Variants in EXOC6B observed in about 807,000 individuals in gnomAD.
EXOC6B encodes exocyst complex component 6B.
In EXOC6B, 54 loss-of-function variants were observed where a neutral mutation model predicts 113.5. The observed-to-expected ratio is 0.48, with a 90% CI of 0.38 to 0.60. The LOEUF is 0.60. Among genes scored for constraint, EXOC6B ranks in the 20% least tolerant of loss-of-function variants. The pLI is 0.00. For missense variants in EXOC6B, 797 were observed against 977.5 expected (o/e 0.82, Z 2.46); for synonymous variants, 357 against 339.0 (o/e 1.05, Z -0.58).
intron 6 of EXOC6B, among the ~76,000 whole-genome samples, chr2:72,659,905 G>A (rs1244379164): frequency 6.6e-6 from 1 of 152,006 alleles, no homozygotes; most frequent in Non-Finnish European, 1.5e-5. Context: ...ATGAACCTAA[G>A]GTATTTGTAA....
chr2:72,667,979 G>T (rs1029122775), intron 6 of EXOC6B, among the ~76,000 whole-genome samples: 12 of 152,014 alleles, frequency 7.9e-5, no homozygotes, highest in Non-Finnish European at 1.8e-4. Context: ...TCCAACAAAG[G>T]TCTAATATCC....
Position 72,179,267 on chromosome 2 carries a change from G to T in EXOC6B, c.*68C>A. On this transcript the variant is annotated 3_prime_UTR_variant, in exon 22 of 22. Coordinates refer to ENST00000272427, the MANE Select transcript of EXOC6B (RefSeq NM_015189.3). ...AGAAGAATGCACAAATGCAGGGTCA[G>T]CTGGGGCTGGACCCCAGACTGACAC... The T allele has an allele frequency of 6.8e-7, 1 of 1,478,868 alleles. No individual in the cohort carries two copies. Among genetic ancestry groups the T allele is most frequent in the Non-Finnish European group, 9.0e-7 (1 of 1,111,118 alleles). The allele number at this position is 1,478,868 out of a possible 1,614,324, so 91.6% of individuals were successfully genotyped here.
intron 6 of EXOC6B, among the ~76,000 whole-genome samples, chr2:72,654,005 T>C (rs1674410998): frequency 6.6e-6 from 1 of 151,502 alleles, no homozygotes; most frequent in Non-Finnish European, 1.5e-5. Context: ...AGTCTTACTC[T>C]GTCGCCCAGG....
rs576091573 is a variant in EXOC6B at position 72,795,448 on chromosome 2, C to T, written c.113+30350G>A. 3.4e-3 allele frequency among the ~76,000 whole-genome samples: 512 copies of T among 152,158 alleles called. 6 individuals are homozygous for T. Among genetic ancestry groups the T allele is most frequent in the African/African-American group, 0.012 (495 of 41,534 alleles). Reference sequence around the variant, plus strand: ...AAAATTAGCCGGGCGTTGTGACGGGCGCCTGTAGTCCCAGCTACTCAGGAG... The same window carrying T: ...AAAATTAGCCGGGCGTTGTGACGGGTGCCTGTAGTCCCAGCTACTCAGGAG... On this transcript the variant is annotated intron_variant, in intron 1 of 21. Transcript: ENST00000272427.
chr2:72,225,028 T>C (rs1486908950), intron 20 of EXOC6B, among the ~76,000 whole-genome samples: 6 of 124,022 alleles, frequency 4.8e-5, no homozygotes, highest in Non-Finnish European at 1.1e-4. Flanking sequence ...TTTTTTTTTT[T>C]TTTAGTAGAG....
At chr2:72,637,066 T>C (rs934925598) in intron 6 of EXOC6B, among the ~76,000 whole-genome samples, 2 of 151,928 alleles carry the variant, frequency 1.3e-5, no homozygotes, top group African/African-American at 2.4e-5. Flanking sequence ...ATACCACTTA[T>C]AAAAATTGTT....
intron 6 of EXOC6B, among the ~76,000 whole-genome samples, chr2:72,619,709 T>C (rs1007088437): frequency 5.3e-5 from 8 of 152,196 alleles, no homozygotes; most frequent in Non-Finnish European, 1.0e-4. Context: ...TGAATACCTC[T>C]AATGGCTCCT....
chr2:72,422,743 G>A (rs1694971077), intron 18 of EXOC6B, among the ~76,000 whole-genome samples: 1 of 152,142 alleles, frequency 6.6e-6, no homozygotes, highest in Non-Finnish European at 1.5e-5. Context: ...GTTTGTGAGT[G>A]CACCAATCGA....
At chr2:72,720,189 A>C (rs1378831755) in intron 5 of EXOC6B, among the ~76,000 whole-genome samples, 1 of 152,148 alleles carries the variant, frequency 6.6e-6, no homozygotes, top group Non-Finnish European at 1.5e-5. Flanking sequence ...TAGTACACTA[A>C]AAATATATAA....
intron 6 of EXOC6B, among the ~76,000 whole-genome samples, chr2:72,647,682 C>T (rs548318415): frequency 2.0e-5 from 3 of 152,130 alleles, no homozygotes; most frequent in South Asian, 2.1e-4. Flanking sequence ...AATGGGGAAA[C>T]GATTCCCTAT....
chr2:72,817,994 CAG>C (rs1006051737), intron 1 of EXOC6B, among the ~76,000 whole-genome samples: 9 of 152,170 alleles, frequency 5.9e-5, no homozygotes, highest in Middle Eastern at 3.4e-3. Context: ...GTTTTTGAGA[CAG>C]AGTCTCGCTC....
intron 1 of EXOC6B, among the ~76,000 whole-genome samples, chr2:72,823,465 AAAAAAAAAAAAAACAAAAAAC>A (rs983333553): frequency 3.0e-5 from 4 of 133,050 alleles, no homozygotes; most frequent in Admixed American, 1.5e-4. Context: ...TTAAGAAAAA[AAAAAAAAAAAAAACAAAAAAC>A]AAAAAAAAAG....
intron 18 of EXOC6B, among the ~76,000 whole-genome samples, chr2:72,440,020 A>C (rs1337901893): frequency 6.6e-6 from 1 of 152,090 alleles, no homozygotes; most frequent in African/African-American, 2.4e-5. Context: ...GAAGGCTGAG[A>C]AACGCAAAGA....
chr2:72,525,690 T>A (rs1701716204), intron 8 of EXOC6B, among the ~76,000 whole-genome samples: 1 of 152,178 alleles, frequency 6.6e-6, no homozygotes, highest in Admixed American at 6.5e-5. Context: ...AGAACATTTT[T>A]AATATAAAAC....
chr2:72,192,454 T>C (rs1678909811), intron 20 of EXOC6B, among the ~76,000 whole-genome samples: 1 of 152,142 alleles, frequency 6.6e-6, no homozygotes, highest in African/African-American at 2.4e-5. Flanking sequence ...TGAGTGGGAA[T>C]CCAGTCCCAG....
chr2:72,191,061 G>T (rs1678800167), intron 20 of EXOC6B, among the ~76,000 whole-genome samples: 1 of 152,138 alleles, frequency 6.6e-6, no homozygotes. Flanking sequence ...CTAGTGTAGT[G>T]GTTGATGTAA....
At chr2:72,776,885 A>G (rs1306371452) in intron 1 of EXOC6B, among the ~76,000 whole-genome samples, 6 of 152,060 alleles carry the variant, frequency 3.9e-5, no homozygotes, top group African/African-American at 1.2e-4. Flanking sequence ...GAAGTTCAAC[A>G]AACTCCAAGT....
chr2:72,701,407 G>A (rs1678335874), intron 6 of EXOC6B, among the ~76,000 whole-genome samples: 1 of 147,456 alleles, frequency 6.8e-6, no homozygotes, highest in South Asian at 2.2e-4. Flanking sequence ...AAGATAAATT[G>A]TATCTAGAGA....
chr2:72,800,025 C>G (rs1276901976), intron 1 of EXOC6B, among the ~76,000 whole-genome samples: 1 of 151,776 alleles, frequency 6.6e-6, no homozygotes, highest in African/African-American at 2.4e-5. Flanking sequence ...AGATCATGCC[C>G]CTGCACTCTA....
Sources: allele counts gnomAD v4.1 joint callset (sites outside exome capture counted in the v4.1 genomes callset), GRCh38; gene constraint gnomAD v4.1.1; transcripts MANE v1.5; gene names NCBI Gene and HGNC (gene_info 2026-07-23, HGNC 2026-07-21).